The following SERPINC1 variants were observed in gnomAD, a reference collection of about 807,000 sequenced individuals.
The protein encoded by SERPINC1 is serpin family C member 1, also known as antithrombin-III.
SERPINC1 carries 12 observed loss-of-function variants against 43.4 expected under a neutral mutation model. The observed-to-expected ratio is 0.28, with a 90% CI of 0.18 to 0.45. The LOEUF (loss-of-function observed/expected upper bound fraction) is 0.45. Among genes scored for constraint, SERPINC1 ranks in the 20% least tolerant of loss-of-function variants. SERPINC1 has a pLI of 1.00. For synonymous variants in SERPINC1, 210 were observed against 218.9 expected (o/e 0.96, Z 0.36); for missense variants, 423 against 578.8 (o/e 0.73, Z 2.76).
intron 1 of SERPINC1, among the ~76,000 whole-genome samples, chr1:173,915,607 G>A (rs780574401): frequency 1.1e-4 from 16 of 152,198 alleles, no homozygotes; most frequent in Non-Finnish European, 2.2e-4. Flanking sequence ...AACCCAGGAG[G>A]CGAAGGTTGC....
rs549921315 is a variant in SERPINC1, at chr1:173,915,687, C to CAACA, written c.42-772_42-769dup. Among the ~76,000 whole-genome samples, 71 of 152,182 alleles carry CAACA rather than the reference C, an allele frequency of 4.7e-4. No homozygotes were observed. In the East Asian group the frequency reaches 8.3e-3, roughly 18 times the overall value. On this transcript the variant is annotated intron_variant, in intron 1 of 6. Coordinates refer to ENST00000367698, the MANE Select transcript of SERPINC1 (RefSeq NM_000488.4). The stretch of plus-strand genomic sequence containing the variant: ...GTGAGACTGTGTCTCAAAACAGCAA[C>CAACA]AACAAACAAACAAACAAACAAAAAC...
At chr1:173,915,063 G>A in intron 1 of SERPINC1, 144 bp from the exon 2 acceptor site, 1 of 1,521,178 alleles carries the variant, frequency 6.6e-7, no homozygotes, top group Non-Finnish European at 8.8e-7. Context: ...CCAAGTACAG[G>A]GGCCCGGGAC....
intron 1 of SERPINC1, among the ~76,000 whole-genome samples, chr1:173,916,676 C>T (rs1298480203): frequency 2.0e-5 from 3 of 152,144 alleles, no homozygotes; most frequent in Non-Finnish European, 4.4e-5. Context: ...GTGCCACCAC[C>T]CCGTTTCTAG....
rs28929469 is a variant in SERPINC1, at chr1:173,914,795, G to A, written c.166C>T (p.Arg56Cys). The A allele has an allele frequency of 2.4e-5, 38 of 1,613,974 alleles. No homozygotes were observed. Among genetic ancestry groups the A allele is most frequent in the South Asian group, 6.6e-5 (6 of 91,084 alleles). The change falls in exon 2 of 7, where the codon CGC becomes TGC. Residue 56 changes from arginine (R) to cysteine (C), a missense_variant. Coordinates refer to ENST00000367698, the MANE Select transcript of SERPINC1 (RefSeq NM_000488.4). The part of the protein sequence containing the change: ...DIPMNPMCIY[R>C]SPEKKATEDE... Reference sequence around the variant, plus strand: ...TCAGTTGCCTTCTTCTCCGGGGAGCGGTAAATGCACATGGGATTCATGGGA... The same window carrying A: ...TCAGTTGCCTTCTTCTCCGGGGAGCAGTAAATGCACATGGGATTCATGGGA...
intron 2 of SERPINC1, among the ~76,000 whole-genome samples, chr1:173,913,468 C>T (rs1273223928): frequency 6.6e-6 from 1 of 152,174 alleles, no homozygotes; most frequent in African/African-American, 2.4e-5. Flanking sequence ...CTTTCCTGGG[C>T]CCCTGGTCTC....
Position 173,914,568 on chromosome 1 carries a change from G to C in SERPINC1, c.393C>G (p.Leu131=). 1 of 1,614,150 alleles carries C rather than the reference G, an allele frequency of 6.2e-7. No homozygotes were observed. The highest frequency in any genetic ancestry group is 8.5e-7 in the Non-Finnish European group (1 of 1,180,038). The change falls in exon 2 of 7, where the codon CTC becomes CTG. Residue 131 remains leucine (L), a synonymous_variant. Transcript: ENST00000367698. ...TTGGTCGTACCTCCATCAGTTGCTGGAGGGTGTCATTACAGGCACCCAGCT... is the reference window on the plus strand; with the variant it reads ...TTGGTCGTACCTCCATCAGTTGCTGCAGGGTGTCATTACAGGCACCCAGCT... ...MTKLGACNDT[L]QQLMEVFKFD... is the part of the protein sequence containing the mutation.
intron 1 of SERPINC1, 133 bp downstream of exon 1, chr1:173,917,086 A>G (rs1257045461): frequency 1.2e-6 from 1 of 802,580 alleles, no homozygotes; most frequent in Non-Finnish European, 2.2e-6. Flanking sequence ...GACGTCTTCC[A>G]AACAGGTCTT....
chr1:173,909,414 A>G (rs981927768), intron 5 of SERPINC1, 138 bp downstream of exon 5: 2 of 885,984 alleles, frequency 2.3e-6, no homozygotes, highest in African/African-American at 1.7e-5. Context: ...AGAGATTTCC[A>G]CAAATTAGCA....
At chr1:173,907,401 T>C (rs1384797512) in intron 6 of SERPINC1, 49 bp downstream of exon 6, 2 of 1,421,368 alleles carry the variant, frequency 1.4e-6, no homozygotes, top group Admixed American at 1.7e-5. Context: ...TTCCTGCTGT[T>C]CATGCATCTC....
rs372611817 is a variant in SERPINC1 at position 173,907,474 on chromosome 1, A to T, written c.1194T>A (p.Asp398Glu). 1.4e-5 allele frequency: 22 copies of T among 1,613,912 alleles called. No individual in the cohort carries two copies. Among genetic ancestry groups the T allele is most frequent in the Admixed American group, 1.7e-5 (1 of 60,022 alleles). The change falls in exon 6 of 7, where the codon GAT (aspartate) becomes GAA (glutamate). Residue 398 changes from aspartate (D) to glutamate (E), a missense_variant. By Grantham distance (45) the Asp-to-Glu change is conservative. Transcript: ENST00000367698. Reference sequence around the variant, plus strand: ...CCTCAAGAAATGCCTTATGGAATGCATCTGAGACATAGAGGTCATCTCGGC... The same window carrying T: ...CCTCAAGAAATGCCTTATGGAATGCTTCTGAGACATAGAGGTCATCTCGGC... ...AEGRDDLYVS[D>E]AFHKAFLEVN... is the part of the protein sequence containing the mutation.
intron 5 of SERPINC1, among the ~76,000 whole-genome samples, chr1:173,908,360 G>A (rs1002618543): frequency 3.0e-4 from 45 of 151,418 alleles, no homozygotes; most frequent in African/African-American, 9.7e-4. Context: ...CGTGGTGGCA[G>A]GCGCCTGTAA....
intron 5 of SERPINC1, 87 bp downstream of exon 5, chr1:173,909,465 C>G: frequency 1.4e-6 from 2 of 1,414,254 alleles, no homozygotes; most frequent in African/African-American, 2.8e-5. Flanking sequence ...TGACTTGTTG[C>G]TCCTTTCTAT....
At chr1:173,904,527 G>T (rs1657406082) in intron 6 of SERPINC1, among the ~76,000 whole-genome samples, 1 of 152,124 alleles carries the variant, frequency 6.6e-6, no homozygotes, top group Non-Finnish European at 1.5e-5. Flanking sequence ...AAAAGAGGTG[G>T]GTTCTCTGGC....
Position 173,909,612 on chromosome 1 carries a change from C to G in SERPINC1, c.1093G>C (p.Glu365Gln). ...ACAAGGCCCATGTCTTGCAGCTGCT[C>G]CTTCAAACTGAAGCCGTCCTCAATG... is the stretch of plus-strand genomic sequence containing the variant. ...FRIEDGFSLKEQLQDMGLVDL... is the reference protein window; with the variant it reads ...FRIEDGFSLKQQLQDMGLVDL... Residue 365 changes from glutamate to glutamine, a missense_variant, in exon 5 of 7, where the codon GAG (glutamate) becomes CAG (glutamine). Glu to Gln is a conservative substitution (Grantham distance 29). Transcript: ENST00000367698. 1.9e-6 allele frequency: 3 copies of G among 1,614,072 alleles called. No homozygotes were observed. The highest frequency in any genetic ancestry group is 1.6e-4 in the Middle Eastern group (1 of 6,062).
Position 173,909,872 on chromosome 1 carries a change from G to A in SERPINC1, c.833C>T (p.Ser278Leu), listed in dbSNP as rs778650224. The change falls in exon 5 of 7, where the codon TCG becomes TTG. Residue 278 changes from serine to leucine, a missense_variant. Transcript: ENST00000367698. Reference protein sequence around the residue: ...KELFYKADGESCSASMMYQEG... With the variant: ...KELFYKADGELCSASMMYQEG... Reference sequence around the variant, plus strand: ...CTGGTACATCATAGATGCTGAACACGACTCTCCATCAGCCTTGTAGAACAG... The same window carrying A: ...CTGGTACATCATAGATGCTGAACACAACTCTCCATCAGCCTTGTAGAACAG... The A allele has an allele frequency of 7.4e-6, 12 of 1,614,104 alleles. No individual in the cohort carries two copies. Among genetic ancestry groups the A allele is most frequent in the Admixed American group, 3.3e-5 (2 of 60,020 alleles).
intron 2 of SERPINC1, 108 bp downstream of exon 2, chr1:173,914,445 C>T (rs753756432): frequency 9.3e-5 from 114 of 1,219,332 alleles, no homozygotes; most frequent in Non-Finnish European, 1.2e-4. Flanking sequence ...GCATAATGAG[C>T]GCCCCTAGTG....
chr1:173,908,727 A>AT (rs1196449049), intron 5 of SERPINC1, among the ~76,000 whole-genome samples: 3 of 151,584 alleles, frequency 2.0e-5, no homozygotes, highest in Non-Finnish European at 2.9e-5. Flanking sequence ...TGCCTGGCTA[A>AT]TTTTTTTTAT....
chr1:173,913,251 A>G (rs1657846170), intron 2 of SERPINC1, among the ~76,000 whole-genome samples: 1 of 152,262 alleles, frequency 6.6e-6, no homozygotes, highest in Non-Finnish European at 1.5e-5. Flanking sequence ...AGGACAGATT[A>G]AAGATCTAGT....
intron 4 of SERPINC1, among the ~76,000 whole-genome samples, chr1:173,910,536 A>G (rs993714368): frequency 5.9e-5 from 9 of 152,208 alleles, no homozygotes; most frequent in Non-Finnish European, 8.8e-5. Context: ...AGCCGAGATC[A>G]CGCCACTGCA....
Sources: allele counts gnomAD v4.1 joint callset (sites outside exome capture counted in the v4.1 genomes callset), GRCh38; gene constraint gnomAD v4.1.1; transcripts MANE v1.5; gene names NCBI Gene and HGNC (gene_info 2026-07-23, HGNC 2026-07-21).